Variants in ATP8B4 observed in about 807,000 individuals in gnomAD.
ATP8B4 encodes probable phospholipid-transporting ATPase IM.
In ATP8B4, 133 loss-of-function variants were observed where a neutral mutation model predicts 145.6. That is an observed-to-expected ratio of 0.91 (90% CI 0.79 to 1.05). The LOEUF is 1.05. Among genes scored for constraint, ATP8B4 ranks in the 50% least tolerant of loss-of-function variants. ATP8B4 has a pLI of 0.00. For synonymous variants in ATP8B4, 507 were observed against 492.9 expected (o/e 1.03, Z -0.38); for missense variants, 1,458 against 1,425.2 (o/e 1.02, Z -0.37).
chr15:50,072,668 C>A (rs2053817097), intron 3 of ATP8B4, among the ~76,000 whole-genome samples: 1 of 151,780 alleles, frequency 6.6e-6, no homozygotes, highest in Admixed American at 6.6e-5. Flanking sequence ...GTCACCCAGG[C>A]TGGAGTGAGT....
At chr15:50,050,158 G>A (rs75124016) in intron 3 of ATP8B4, among the ~76,000 whole-genome samples, 1 of 152,300 alleles carries the variant, frequency 6.6e-6, no homozygotes, top group East Asian at 1.9e-4. Flanking sequence ...TCTTCCCAGT[G>A]AGGCTCTTTT....
intron 1 of ATP8B4, among the ~76,000 whole-genome samples, chr15:50,134,687 G>A (rs1160908256): frequency 1.3e-5 from 2 of 152,170 alleles, no homozygotes; most frequent in African/African-American, 2.4e-5. Context: ...CAAGAATGGA[G>A]AACAAAGTAT....
Position 49,938,864 on chromosome 15 carries a change from C to A in ATP8B4, c.1288-4682G>T, listed in dbSNP as rs201634625. On this transcript the variant is annotated intron_variant, in intron 14 of 27. Coordinates refer to ENST00000284509, the MANE Select transcript of ATP8B4 (RefSeq NM_024837.4). ...ATCAACCACATACTCAGCCATAAAG[C>A]AAATCTCAACAAAGTCAAAAAAATC... 2.0e-4 allele frequency among the ~76,000 whole-genome samples: 31 copies of A among 152,214 alleles called. 1 individual carries two copies. The East Asian group carries it at 4.4e-3, about 22-fold the overall frequency.
At chr15:50,132,195 A>G (rs2153679031) in intron 1 of ATP8B4, among the ~76,000 whole-genome samples, 1 of 152,298 alleles carries the variant, frequency 6.6e-6, no homozygotes, top group Admixed American at 6.5e-5. Flanking sequence ...CTGTTTCATG[A>G]CTTTCATAAT....
intron 1 of ATP8B4, among the ~76,000 whole-genome samples, chr15:50,180,594 G>A (rs1178449747): frequency 1.3e-5 from 2 of 152,166 alleles, no homozygotes; most frequent in African/African-American, 4.8e-5. Flanking sequence ...ACACAGAAGC[G>A]ATTAGCCATC....
At chr15:50,040,252 T>C (rs2051169960) in intron 5 of ATP8B4, among the ~76,000 whole-genome samples, 2 of 152,252 alleles carry the variant, frequency 1.3e-5, no homozygotes, top group East Asian at 3.8e-4. Context: ...GGCTTTCTTC[T>C]AGCTGGGTTA....
chr15:50,161,863 G>A (rs186064647), intron 1 of ATP8B4, among the ~76,000 whole-genome samples: 62 of 152,138 alleles, frequency 4.1e-4, no homozygotes, highest in Non-Finnish European at 6.2e-4. Context: ...GTTTTGTACC[G>A]TCAGATGATT....
rs1326953229 is a variant in ATP8B4 at position 49,918,846 on chromosome 15, G to A, written c.2028C>T (p.Asp676=). The A allele has an allele frequency of 1.2e-6, 2 of 1,602,468 alleles. No homozygotes were observed. Among genetic ancestry groups the A allele is most frequent in the Admixed American group, 1.7e-5 (1 of 59,334 alleles). Residue 676 remains aspartate (D), a synonymous_variant, in exon 19 of 28, where the codon GAC becomes GAT. Transcript: ENST00000284509. ...CATCCATTTTCAAGTTACCTTGTTT[G>A]TCTCCTGTTAGGACCCAGATCTTAA... ...ANIKIWVLTG[D]KQETAINIGY...
At chr15:50,091,330 G>C (rs1314382986) in intron 2 of ATP8B4, among the ~76,000 whole-genome samples, 2 of 152,046 alleles carry the variant, frequency 1.3e-5, no homozygotes, top group East Asian at 3.8e-4. Context: ...TGGATCAAAG[G>C]GGTGTTCTGT....
At chr15:49,974,439 G>A (rs1288110540) in intron 12 of ATP8B4, among the ~76,000 whole-genome samples, 1 of 150,180 alleles carries the variant, frequency 6.7e-6, no homozygotes. Context: ...ATGTTGCCCA[G>A]GTTGGCCTCA....
intron 2 of ATP8B4, among the ~76,000 whole-genome samples, chr15:50,104,184 T>C (rs1219004812): frequency 6.6e-6 from 1 of 152,186 alleles, no homozygotes; most frequent in African/African-American, 2.4e-5. Flanking sequence ...AAAGATTTCA[T>C]GACCAAGAAC....
intron 6 of ATP8B4, among the ~76,000 whole-genome samples, chr15:50,034,499 G>A (rs1382645218): frequency 6.6e-6 from 1 of 152,070 alleles, no homozygotes; most frequent in Non-Finnish European, 1.5e-5. Context: ...AAAGTGCTGG[G>A]TTTATGGGCA....
intron 7 of ATP8B4, among the ~76,000 whole-genome samples, chr15:50,008,545 C>G (rs2048488818): frequency 6.6e-6 from 1 of 152,190 alleles, no homozygotes; most frequent in South Asian, 2.1e-4. Context: ...TTGTGCTTGC[C>G]TTCTGTATTT....
At chr15:50,019,789 CTT>C (rs1420554883) in intron 6 of ATP8B4, among the ~76,000 whole-genome samples, 3 of 152,158 alleles carry the variant, frequency 2.0e-5, no homozygotes, top group Non-Finnish European at 4.4e-5. Flanking sequence ...CAAACCTTTT[CTT>C]TGTTTTAATT....
At chr15:49,936,279 C>T (rs2248985) in intron 14 of ATP8B4, among the ~76,000 whole-genome samples, 19,663 of 152,136 alleles carry the variant, frequency 0.13, 1,431 homozygotes, top group Middle Eastern at 0.19. Flanking sequence ...TTTCCTCACC[C>T]CATGCCACCC....
At chr15:49,960,072 G>A (rs2043934603) in intron 14 of ATP8B4, among the ~76,000 whole-genome samples, 3 of 145,452 alleles carry the variant, frequency 2.1e-5, no homozygotes, top group African/African-American at 5.1e-5. Flanking sequence ...CTGTCACCCA[G>A]TCTGGAGTGC....
intron 6 of ATP8B4, among the ~76,000 whole-genome samples, chr15:50,022,865 A>G (rs2049689736): frequency 6.6e-6 from 1 of 152,242 alleles, no homozygotes; most frequent in African/African-American, 2.4e-5. Flanking sequence ...AATGAGATGG[A>G]TAAGAAAGAC....
chr15:49,963,927 G>C (rs963407879), intron 13 of ATP8B4, among the ~76,000 whole-genome samples: 1 of 152,000 alleles, frequency 6.6e-6, no homozygotes, highest in African/African-American at 2.4e-5. Flanking sequence ...AAAGTTACTT[G>C]AATCAACCTG....
chr15:49,998,700 T>G (rs895156641), intron 8 of ATP8B4, among the ~76,000 whole-genome samples: 4 of 152,226 alleles, frequency 2.6e-5, no homozygotes, highest in Non-Finnish European at 5.9e-5. Flanking sequence ...GCCTGTTCAC[T>G]CTGATGTTAG....
Sources: gnomAD v4.1 joint callset for allele counts (sites outside exome capture counted in the v4.1 genomes callset) on GRCh38, gnomAD v4.1.1 for gene constraint, MANE v1.5 for transcripts, NCBI Gene and HGNC (gene_info 2026-07-23, HGNC 2026-07-21) for gene names.